The following DOCK7 variants were observed in gnomAD, a reference collection of about 807,000 sequenced individuals.
The protein encoded by DOCK7 is dedicator of cytokinesis 7.
In DOCK7, 138 loss-of-function variants were observed where a neutral mutation model predicts 271.0. The observed-to-expected ratio is 0.51, with a 90% confidence interval of 0.44 to 0.59. DOCK7 has a LOEUF of 0.59. Among genes scored for constraint, DOCK7 ranks in the 20% least tolerant of loss-of-function variants. DOCK7 has a pLI of 0.00. For missense variants in DOCK7, 2,066 were observed against 2,592.4 expected, an observed-to-expected ratio of 0.80 and a Z score of 4.41; for synonymous variants, 823 against 876.1, an observed-to-expected ratio of 0.94 and a Z score of 1.07.
rs377747846 is a variant in DOCK7, at chr1:62,501,194, C to CAA, written c.4764+3434_4764+3435dup. On this transcript the variant is annotated intron_variant, in intron 37 of 49. Transcript: ENST00000635253. ...GAGTTCCTGTCTCGACTAAAACAAA[C>CAA]AAAAAAACACTTGGAGAATATTACT... is the stretch of plus-strand genomic sequence containing the variant. Among the ~76,000 whole-genome samples the CAA allele has an allele frequency of 7.7e-4, 117 of 151,910 alleles. 2 individuals carry two copies. The highest frequency in any genetic ancestry group is 2.8e-3 in the African/African-American group (115 of 41,470).
At chr1:62,531,275 A>C (rs1168012) in intron 29 of DOCK7, among the ~76,000 whole-genome samples, 148,685 of 152,280 alleles carry the variant, frequency 0.98, 72,690 homozygotes, top group Middle Eastern at 1. Flanking sequence ...TCCAATCTAT[A>C]TAAACTCTAT....
At chr1:62,601,277 A>C in intron 14 of DOCK7, 1 of 990,218 alleles carries the variant, frequency 1.0e-6, no homozygotes, top group Non-Finnish European at 1.6e-6. Flanking sequence ...AGACTAAAAG[A>C]TAGTTAAGAG....
At position 62,681,116 on chromosome 1, in the gene DOCK7, C is replaced by A. The variant is rs189499620; in HGVS notation, c.38+7111G>T. Among the ~76,000 whole-genome samples, 339 of 152,190 alleles carry A rather than the reference C, an allele frequency of 2.2e-3. 1 individual carries two copies. The highest frequency in any genetic ancestry group is 7.9e-3 in the African/African-American group (328 of 41,502). ...TTTACTGCGGCACTATTCACAATAG[C>A]AAAGACTTGGAACCAACCCAAATGT... On this transcript the variant is annotated intron_variant, in intron 1 of 49. Coordinates refer to ENST00000635253, the MANE Select transcript of DOCK7 (RefSeq NM_001367561.1).
At chr1:62,645,848 C>T (rs750258504) in intron 7 of DOCK7, among the ~76,000 whole-genome samples, 9 of 152,006 alleles carry the variant, frequency 5.9e-5, no homozygotes, top group Non-Finnish European at 8.8e-5. Context: ...TTCAGTCATA[C>T]AAAAAAATAA....
chr1:62,535,492 C>T lies in DOCK7; in HGVS notation c.3611+1G>A. ...TACAAGGTAAAAACTAGTGTACTCA[C>T]CCTTCAGCATCAGGGTCTAAAATGA... is the stretch of plus-strand genomic sequence containing the variant. On this transcript the variant is annotated splice_donor_variant, in intron 29 of 49. Coordinates refer to ENST00000635253, the MANE Select transcript of DOCK7 (RefSeq NM_001367561.1). LOFTEE classifies it high-confidence loss of function. 1 of 1,613,136 alleles carries T rather than the reference C, an allele frequency of 6.2e-7. No homozygotes were observed. Among genetic ancestry groups the T allele is most frequent in the Non-Finnish European group, 8.5e-7 (1 of 1,179,570 alleles).
rs1354861496 is a variant in DOCK7 at position 62,648,523 on chromosome 1, T to A, written c.411A>T (p.Gly137=). 3 of 1,377,130 alleles carry A rather than the reference T, an allele frequency of 2.2e-6. No individual in the cohort carries two copies. Among genetic ancestry groups the A allele is most frequent in the Non-Finnish European group, 1.9e-6 (2 of 1,033,992 alleles). 85.3% of individuals were successfully genotyped at this position (1,377,130 alleles called of 1,614,324 possible). A position where few individuals can be genotyped will look rare whatever the true frequency, so the allele number is the denominator to read the frequency against. ...GTTTATCTAATGTATTGGGATTAAA[T>A]CCTGTTCCCAATTTATGATATCTAT... is the stretch of plus-strand genomic sequence containing the variant. ...VIRKYHKLGT[G]FNPNTLDKQK... is the part of the protein sequence containing the mutation. The change falls in exon 5 of 50, where the codon GGA becomes GGT. Residue 137 remains glycine (G), a synonymous_variant. Transcript: ENST00000635253.
Position 62,688,342 on chromosome 1 carries a change from C to A in DOCK7, c.-78G>T. On this transcript the variant is annotated 5_prime_UTR_variant, in exon 1 of 50. Transcript: ENST00000635253. ...ACCGGCGGGCGCGTGCCTCCTCGCT[C>A]GTGCTCCCTCCCTCGCGGCCTCCGC... 1.0e-6 allele frequency: 1 copy of A among 985,616 alleles called. No homozygotes were observed. The highest frequency in any genetic ancestry group is 1.3e-6 in the Non-Finnish European group (1 of 780,528). 61.1% of individuals were successfully genotyped at this position (985,616 alleles called of 1,614,324 possible).
At chr1:62,584,825 G>C in intron 15 of DOCK7, 1 of 727,166 alleles carries the variant, frequency 1.4e-6, no homozygotes, top group Non-Finnish European at 2.5e-6. Context: ...TGCTATGGTA[G>C]CACCAAAGAG....
chr1:62,637,461 C>T (rs1443626440), intron 7 of DOCK7, among the ~76,000 whole-genome samples: 2 of 152,094 alleles, frequency 1.3e-5, no homozygotes, highest in Non-Finnish European at 2.9e-5. Flanking sequence ...TTTTGGTTAT[C>T]GAAACTACAG....
chr1:62,578,005 C>T (rs1378434649), intron 17 of DOCK7, among the ~76,000 whole-genome samples: 1 of 152,022 alleles, frequency 6.6e-6, no homozygotes, highest in East Asian at 1.9e-4. Flanking sequence ...CTCACTGCAA[C>T]CTCTGCCTCC....
intron 14 of DOCK7, among the ~76,000 whole-genome samples, chr1:62,587,299 T>TAAAAAA: frequency 9.8e-4 from 41 of 41,850 alleles, no homozygotes; most frequent in African/African-American, 1.8e-3. Context: ...ACCAAATAGC[T>TAAAAAA]AAAAAAAAAA....
intron 7 of DOCK7, among the ~76,000 whole-genome samples, chr1:62,642,439 C>T (rs1656153183): frequency 6.6e-6 from 1 of 152,138 alleles, no homozygotes; most frequent in South Asian, 2.1e-4. Context: ...CCATTCTTGA[C>T]TTCTTTCTCT....
At chr1:62,587,502 C>A (rs748749587) in intron 14 of DOCK7, among the ~76,000 whole-genome samples, 2 of 152,002 alleles carry the variant, frequency 1.3e-5, no homozygotes, top group African/African-American at 4.8e-5. Context: ...AACAAACACA[C>A]CTCTAACCTA....
At position 62,526,087 on chromosome 1, in the gene DOCK7, A is replaced by T. The variant is rs139585822; in HGVS notation, c.3936+2064T>A. Among the ~76,000 whole-genome samples, 886 of 152,114 alleles carry T rather than the reference A, an allele frequency of 5.8e-3. 6 individuals are homozygous for T. The highest frequency in any genetic ancestry group is 0.02 in the African/African-American group (836 of 41,516). ...AGGTAGCTGGGACTACAGTAGGCAC[A>T]TGCCACCACGCCCGGCTATTTTTTG... On this transcript the variant is annotated intron_variant, in intron 31 of 49. Transcript: ENST00000635253.
chr1:62,534,374 G>C (rs1209404902), intron 29 of DOCK7, among the ~76,000 whole-genome samples: 2 of 152,130 alleles, frequency 1.3e-5, no homozygotes. Context: ...AGCATGCTGG[G>C]AGGCCGAGGC....
rs765897636 is a variant in DOCK7, at chr1:62,455,351, T to TAA, written c.*62_*63insTT. 22 of 1,545,208 alleles carry TAA rather than the reference T, an allele frequency of 1.4e-5. No homozygotes were observed. Among genetic ancestry groups the TAA allele is most frequent in the Non-Finnish European group, 1.3e-5 (14 of 1,119,252 alleles). ...CCATTCCATGTTGTTTTCCAATAGA[T>TAA]CTTTTCACACTCGATGTTGAATACA... On this transcript the variant is annotated 3_prime_UTR_variant, in exon 50 of 50. Transcript: ENST00000635253.
chr1:62,529,903 C>T (rs1355743498), intron 29 of DOCK7, among the ~76,000 whole-genome samples: 1 of 152,116 alleles, frequency 6.6e-6, no homozygotes, highest in Non-Finnish European at 1.5e-5. Context: ...ATTATGTAGC[C>T]CACAGGCTGG....
chr1:62,584,835 G>A (rs1377022704), intron 15 of DOCK7: 1 of 723,202 alleles, frequency 1.4e-6, no homozygotes, highest in Admixed American at 2.0e-5. Flanking sequence ...GCACCAAAGA[G>A]GGAGAGGTCT....
chr1:62,565,012 C>T (rs1571563498), intron 18 of DOCK7, among the ~76,000 whole-genome samples: 1 of 152,090 alleles, frequency 6.6e-6, no homozygotes, highest in Non-Finnish European at 1.5e-5. Context: ...GAAGTCGAAT[C>T]CCTGAAGAGA....
Sources: allele counts gnomAD v4.1 joint callset (sites outside exome capture counted in the v4.1 genomes callset), GRCh38; gene constraint gnomAD v4.1.1; transcripts MANE v1.5; gene names NCBI Gene and HGNC (gene_info 2026-07-23, HGNC 2026-07-21).